COBL: variants seen among roughly 807,000 people sequenced by gnomAD.
The protein encoded by COBL is protein cordon-bleu.
A neutral mutation model predicts 98.8 loss-of-function variants in COBL; 51 were observed. The observed-to-expected ratio is 0.52, with a 90% confidence interval of 0.41 to 0.65. The LOEUF is 0.65. COBL is among the 30% of genes least tolerant of loss of function. COBL has a pLI of 0.00. For synonymous variants in COBL, 634 were observed against 651.7 expected (o/e 0.97, Z 0.41); for missense variants, 1,617 against 1,617.5 (o/e 1.00, Z 0.01).
At chr7:51,080,646 C>T (rs1270880692) in intron 7 of COBL, among the ~76,000 whole-genome samples, 1 of 152,202 alleles carries the variant, frequency 6.6e-6, no homozygotes, top group African/African-American at 2.4e-5. Flanking sequence ...CCCCTATAAA[C>T]ACAGCGTTTG....
intron 7 of COBL, among the ~76,000 whole-genome samples, chr7:51,062,798 G>C (rs940482713): frequency 6.6e-6 from 1 of 152,206 alleles, no homozygotes; most frequent in African/African-American, 2.4e-5. Flanking sequence ...TCTGCAGGGG[G>C]TGGCATGAGC....
chr7:51,312,159 TAA>T (rs59322709), intron 1 of COBL, among the ~76,000 whole-genome samples: 1 of 144,166 alleles, frequency 6.9e-6, no homozygotes, highest in Admixed American at 6.9e-5. Flanking sequence ...TCGTCTCTAT[TAA>T]AAAAAAAAAA....
intron 4 of COBL, among the ~76,000 whole-genome samples, chr7:51,189,311 A>T (rs1789862725): frequency 6.6e-6 from 1 of 152,148 alleles, no homozygotes; most frequent in Admixed American, 6.5e-5. Context: ...TTCCACTATG[A>T]TCATGGATTT....
At chr7:51,154,102 G>A (rs1785849056) in intron 5 of COBL, among the ~76,000 whole-genome samples, 1 of 152,194 alleles carries the variant, frequency 6.6e-6, no homozygotes, top group African/African-American at 2.4e-5. Context: ...GTCACCAACA[G>A]CCTCTGAATC....
intron 1 of COBL, among the ~76,000 whole-genome samples, chr7:51,272,872 A>G (rs1448602328): frequency 1.3e-5 from 2 of 152,136 alleles, no homozygotes; most frequent in Non-Finnish European, 2.9e-5. Context: ...CTGCAGGTAA[A>G]GACAACTTAA....
chr7:51,285,507 T>G (rs1800275827), intron 1 of COBL, among the ~76,000 whole-genome samples: 1 of 152,108 alleles, frequency 6.6e-6, no homozygotes, highest in Non-Finnish European at 1.5e-5. Flanking sequence ...GAATTAAAAT[T>G]TTAAAATGCC....
chr7:51,113,574 C>T (rs1038709925), intron 6 of COBL, among the ~76,000 whole-genome samples: 1 of 152,084 alleles, frequency 6.6e-6, no homozygotes, highest in African/African-American at 2.4e-5. Flanking sequence ...ATGTAGAAGG[C>T]TAAATAGAAA....
intron 1 of COBL, among the ~76,000 whole-genome samples, chr7:51,315,702 G>A (rs920608789): frequency 1.3e-5 from 2 of 151,956 alleles, no homozygotes; most frequent in African/African-American, 4.9e-5. Context: ...GGCCCAGCCT[G>A]CACCGCTGGC....
intron 6 of COBL, among the ~76,000 whole-genome samples, chr7:51,086,134 G>A (rs1288412612): frequency 2.6e-5 from 4 of 151,950 alleles, no homozygotes; most frequent in African/African-American, 7.3e-5. Flanking sequence ...GTTTTTATTC[G>A]TTCACTCTCA....
chr7:51,193,369 AC>A lies in COBL; in HGVS notation c.456+9del. The A allele has an allele frequency of 6.2e-7, 1 of 1,610,994 alleles. No homozygotes were observed. The highest frequency in any genetic ancestry group is 8.5e-7 in the Non-Finnish European group (1 of 1,177,208). ...CAGACACAGGTATTTCCATGTAGGT[AC>A]CTACTAACCTCAGGCACCTTAGGGG... On this transcript the variant is annotated intron_variant, in intron 3 of 12. Transcript: ENST00000265136.
intron 1 of COBL, chr7:51,259,826 A>G: frequency 1.3e-6 from 1 of 753,914 alleles, no homozygotes; most frequent in Non-Finnish European, 2.4e-6. Context: ...ACCACTAAAA[A>G]TTTTCTTTAG....
chr7:51,178,012 G>A (rs1238970192), intron 5 of COBL, among the ~76,000 whole-genome samples: 1 of 151,712 alleles, frequency 6.6e-6, no homozygotes, highest in Non-Finnish European at 1.5e-5. Context: ...TGGGCATGGT[G>A]GTTCGTGCCT....
rs574997555 is a variant in COBL, at chr7:51,053,143, A to T, written c.1097-9451T>A. ...TAGATTTCAAAAATAGCATTAATTA[A>T]CATATTTTTATTTCCAATCATTTAA... On this transcript the variant is annotated intron_variant, in intron 7 of 12. Transcript: ENST00000265136. Among the ~76,000 whole-genome samples the T allele has an allele frequency of 2.6e-5, 4 of 152,342 alleles. No individual in the cohort carries two copies. The South Asian group carries it at 8.3e-4, about 32-fold the overall frequency.
At chr7:51,025,000 C>T (rs1787379022) in intron 12 of COBL, 109 bp downstream of exon 12, 1 of 1,464,092 alleles carries the variant, frequency 6.8e-7, no homozygotes, top group Non-Finnish European at 9.4e-7. Context: ...CAACCCACTC[C>T]CATGTGACCG....
rs35571345 is a variant in COBL at position 51,254,071 on chromosome 7, G to GTT, written c.42-34129_42-34128dup. ...CATCCTCATTCTTCCTTTTTGAGTT[G>GTT]TTTTTTTTTTGTCAAAAGAAAGCAA... is the stretch of plus-strand genomic sequence containing the variant. On this transcript the variant is annotated intron_variant, in intron 1 of 12. Transcript: ENST00000265136. Among the ~76,000 whole-genome samples, 213 of 147,376 alleles carry GTT rather than the reference G, an allele frequency of 1.4e-3. 1 individual carries two copies. The highest frequency in any genetic ancestry group is 2.3e-3 in the Non-Finnish European group (152 of 66,852).
At chr7:51,228,690 C>T (rs1235569053) in intron 1 of COBL, among the ~76,000 whole-genome samples, 4 of 152,154 alleles carry the variant, frequency 2.6e-5, no homozygotes. Flanking sequence ...ACACTGATAT[C>T]TCACAACACA....
In COBL at chr7:51,027,947, G is replaced by C. The variant is rs745433161; in HGVS notation, c.3149C>G (p.Ser1050Cys). The C allele has an allele frequency of 1.9e-6, 3 of 1,612,286 alleles. No homozygotes were observed. The highest frequency in any genetic ancestry group is 2.2e-5 in the East Asian group (1 of 44,874). Reference protein sequence around the residue: ...SVRAPGHGEPSHPPGGSGTES... With the variant: ...SVRAPGHGEPCHPPGGSGTES... ...TGTGCCAGACCCTCCTGGAGGGTGGGAAGGCTCGCCGTGGCCTGGGGCGCG... is the reference window on the plus strand; with the variant it reads ...TGTGCCAGACCCTCCTGGAGGGTGGCAAGGCTCGCCGTGGCCTGGGGCGCG... Residue 1050 changes from serine (S) to cysteine (C), a missense_variant, in exon 10 of 13, where the codon TCC becomes TGC. Physicochemically the swap from Ser to Cys is moderately radical, Grantham distance 112. Coordinates refer to ENST00000265136, the MANE Select transcript of COBL (RefSeq NM_015198.5).
At chr7:51,240,466 G>A (rs1795683950) in intron 1 of COBL, among the ~76,000 whole-genome samples, 1 of 152,244 alleles carries the variant, frequency 6.6e-6, no homozygotes, top group African/African-American at 2.4e-5. Flanking sequence ...GGACTTGAGT[G>A]CGGCTCAAGT....
intron 8 of COBL, chr7:51,031,178 T>C (rs1788108455): frequency 5.0e-6 from 2 of 398,000 alleles, no homozygotes; most frequent in African/African-American, 2.0e-5. Flanking sequence ...ACATGTGATA[T>C]ATGGTGTGTG....
Sources: allele counts gnomAD v4.1 joint callset (sites outside exome capture counted in the v4.1 genomes callset), GRCh38; gene constraint gnomAD v4.1.1; transcripts MANE v1.5; gene names NCBI Gene and HGNC (gene_info 2026-07-23, HGNC 2026-07-21).